The following SHC3 variants were observed in gnomAD, a reference collection of about 807,000 sequenced individuals.
SHC3 encodes the protein SHC-transforming protein 3.
A neutral mutation model predicts 60.4 loss-of-function variants in SHC3; 15 were observed. That is an observed-to-expected ratio of 0.25 (90% CI 0.17 to 0.38). The LOEUF (loss-of-function observed/expected upper bound fraction) is 0.38, where lower values mean the gene tolerates loss of function less well. Among genes scored for constraint, SHC3 ranks in the 10% least tolerant of loss-of-function variants. The probability of loss-of-function intolerance (pLI) is 1.00; values close to 1 mark genes in which losing one functional copy is unlikely to be tolerated. For synonymous variants in SHC3, 294 were observed against 325.9 expected, an observed-to-expected ratio of 0.90 and a Z score of 1.05; for missense variants, 677 against 786.1, an observed-to-expected ratio of 0.86 and a Z score of 1.66.
intron 11 of SHC3, among the ~76,000 whole-genome samples, chr9:89,019,748 AAAG>A (rs774611859): frequency 2.6e-5 from 4 of 152,248 alleles, no homozygotes; most frequent in Non-Finnish European, 5.9e-5. Context: ...AAAAGAAATC[AAAG>A]AAGAACTAAA....
intron 1 of SHC3, among the ~76,000 whole-genome samples, chr9:89,131,417 C>T (rs1182955611): frequency 5.3e-5 from 8 of 152,158 alleles, no homozygotes; most frequent in African/African-American, 1.9e-4. Context: ...ATGAGGCCAG[C>T]ATCATCCTGA....
At chr9:89,166,318 C>A (rs533561525) in intron 1 of SHC3, among the ~76,000 whole-genome samples, 1 of 152,222 alleles carries the variant, frequency 6.6e-6, no homozygotes, top group Non-Finnish European at 1.5e-5. Context: ...ATCCACCACT[C>A]TATCCCCAAT....
intron 1 of SHC3, among the ~76,000 whole-genome samples, chr9:89,159,702 G>A (rs1488488784): frequency 6.6e-6 from 1 of 152,242 alleles, no homozygotes; most frequent in East Asian, 1.9e-4. Flanking sequence ...AGAACTTGGA[G>A]TCGGATATTC....
chr9:89,173,687 G>A (rs988728078), intron 1 of SHC3, among the ~76,000 whole-genome samples: 2 of 151,722 alleles, frequency 1.3e-5, no homozygotes, highest in Non-Finnish European at 2.9e-5. Context: ...GTTGTGTGTG[G>A]GTGCATGGTG....
At position 89,178,048 on chromosome 9, in the gene SHC3, G is replaced by C; in HGVS notation, c.413C>G (p.Pro138Arg). 8.2e-7 allele frequency: 1 copy of C among 1,226,746 alleles called. No individual in the cohort carries two copies. The highest frequency in any genetic ancestry group is 1.0e-6 in the Non-Finnish European group (1 of 984,998). The allele number at this position is 1,226,746 out of a possible 1,614,324, so 76.0% of individuals were successfully genotyped here. Residue 138 changes from proline to arginine, a missense_variant, in exon 1 of 12, where the codon CCT becomes CGT. Coordinates refer to ENST00000375835, the MANE Select transcript of SHC3 (RefSeq NM_016848.6). This position sits in a 1 kb window ranked among gnomAD's most constrained non-coding sequence, Gnocchi z 6.9. ...RPGDEPLPRPPRGAPHASDQV... is the reference protein window; with the variant it reads ...RPGDEPLPRPRRGAPHASDQV... The stretch of plus-strand genomic sequence containing the variant: ...GTCGCTGGCGTGCGGCGCCCCCCGA[G>C]GGGGCCTGGGCAGCGGCTCGTCGCC...
chr9:89,114,851 A>G (rs185006290), intron 1 of SHC3, among the ~76,000 whole-genome samples: 1 of 152,250 alleles, frequency 6.6e-6, no homozygotes, highest in East Asian at 1.9e-4. Flanking sequence ...ACCAGCAGCA[A>G]CACTGCAGTT....
intron 1 of SHC3, 74 bp from the exon 2 acceptor site, chr9:89,112,700 C>A (rs555179854): frequency 2.5e-4 from 326 of 1,308,934 alleles, no homozygotes; most frequent in Non-Finnish European, 3.0e-4. Context: ...TATACAAGGG[C>A]ATTTTTGGGA....
chr9:89,035,846 T>TAC (rs1564088866), intron 11 of SHC3, among the ~76,000 whole-genome samples: 8 of 91,650 alleles, frequency 8.7e-5, no homozygotes, highest in Non-Finnish European at 1.3e-4. Flanking sequence ...TATATATATA[T>TAC]ATAGATGTGT....
chr9:89,040,270 G>GCATCAT (rs1824667048), intron 10 of SHC3, among the ~76,000 whole-genome samples: 1 of 4,170 alleles, frequency 2.4e-4, no homozygotes, highest in Non-Finnish European at 5.5e-4. Context: ...ATCAGCAGCA[G>GCATCAT]CACCATCATC....
At chr9:89,098,769 C>T (rs1650758465) in intron 2 of SHC3, among the ~76,000 whole-genome samples, 1 of 151,840 alleles carries the variant, frequency 6.6e-6, no homozygotes. Context: ...TGAGATTGCG[C>T]CACTGCACTC....
intron 11 of SHC3, among the ~76,000 whole-genome samples, chr9:89,030,520 C>CAA (rs1824469723): frequency 6.6e-6 from 1 of 151,996 alleles, no homozygotes; most frequent in Admixed American, 6.6e-5. Flanking sequence ...TCTGAATAGA[C>CAA]CTATAACAAG....
rs1290704894 is a variant in SHC3, at chr9:89,010,590, G to A, written c.*2857C>T. 6.6e-6 allele frequency: 1 copy of A among 152,530 alleles called. No homozygotes were observed. Among genetic ancestry groups the A allele is most frequent in the Non-Finnish European group, 1.5e-5 (1 of 68,302 alleles). 9.4% of individuals were successfully genotyped at this position (152,530 alleles called of 1,614,324 possible). On this transcript the variant is annotated 3_prime_UTR_variant, in exon 12 of 12. Coordinates refer to ENST00000375835, the MANE Select transcript of SHC3 (RefSeq NM_016848.6). ...TAAGTGTTGGGGGTGCCCATTGGAG[G>A]GACAGCAGGGCCCAGGTGCACTCTG...
chr9:89,164,830 C>T (rs894627794), intron 1 of SHC3, among the ~76,000 whole-genome samples: 13 of 152,098 alleles, frequency 8.5e-5, no homozygotes, highest in African/African-American at 1.4e-4. Flanking sequence ...TATTTGAATA[C>T]AGAAGAGCTC....
At chr9:89,133,207 T>C (rs1338901256) in intron 1 of SHC3, among the ~76,000 whole-genome samples, 3 of 152,104 alleles carry the variant, frequency 2.0e-5, no homozygotes, top group African/African-American at 4.8e-5. Flanking sequence ...AAAACCGCAA[T>C]GAGATAACAT....
intron 2 of SHC3, among the ~76,000 whole-genome samples, chr9:89,090,755 GA>G (rs1825609262): frequency 6.6e-6 from 1 of 152,218 alleles, no homozygotes; most frequent in African/African-American, 2.4e-5. Flanking sequence ...AAACAGGCAA[GA>G]AATCAACATG....
intron 1 of SHC3, among the ~76,000 whole-genome samples, chr9:89,136,838 T>G (rs1319836282): frequency 2.6e-5 from 4 of 151,960 alleles, no homozygotes; most frequent in African/African-American, 9.7e-5. Context: ...CTGGAGTGTA[T>G]TAGACCATTC....
chr9:89,173,729 T>G (rs1826903640), intron 1 of SHC3, among the ~76,000 whole-genome samples: 2 of 151,898 alleles, frequency 1.3e-5, no homozygotes, highest in Admixed American at 6.6e-5. Flanking sequence ...ATATGTGAGG[T>G]GTGTGTGTGG....
chr9:89,107,158 G>T (rs1013661643), intron 2 of SHC3, among the ~76,000 whole-genome samples: 2 of 152,104 alleles, frequency 1.3e-5, no homozygotes, highest in Non-Finnish European at 2.9e-5. Context: ...GGAGAACTCG[G>T]CCCAAGTCGT....
At chr9:89,112,423 G>A in intron 2 of SHC3, 133 bp downstream of exon 2, 2 of 867,330 alleles carry the variant, frequency 2.3e-6, no homozygotes, top group South Asian at 1.5e-5. Flanking sequence ...GATGAGGACA[G>A]TACTGACTCA....
Sources: gnomAD v4.1 joint callset for allele counts (sites outside exome capture counted in the v4.1 genomes callset) on GRCh38, gnomAD v4.1.1 for gene constraint, Gnocchi (gnomAD v3.1) non-coding constraint, MANE v1.5 for transcripts, NCBI Gene and HGNC (gene_info 2026-07-23, HGNC 2026-07-21) for gene names.